The following TJP1 variants were observed in gnomAD, a reference collection of about 807,000 sequenced individuals.
The protein encoded by TJP1 is tight junction protein 1.
TJP1 carries 43 observed loss-of-function variants against 194.2 expected under a neutral mutation model. That is an observed-to-expected ratio of 0.22 (90% CI 0.17 to 0.29). The LOEUF (loss-of-function observed/expected upper bound fraction) is 0.29. Among genes scored for constraint, TJP1 ranks in the 10% least tolerant of loss-of-function variants. TJP1 has a pLI of 1.00. For synonymous variants in TJP1, 801 were observed against 779.0 expected (o/e 1.03, Z -0.47); for missense variants, 1,971 against 2,185.7 (o/e 0.90, Z 1.96).
At chr15:29,817,558 A>G (rs2151982499) in intron 1 of TJP1, among the ~76,000 whole-genome samples, 1 of 152,374 alleles carries the variant, frequency 6.6e-6, no homozygotes, top group East Asian at 1.9e-4. Flanking sequence ...CACTATTTAC[A>G]ATAGCAAAGA....
At position 29,953,325 on chromosome 15, in the gene TJP1, A is replaced by G. The variant is rs541879571; in HGVS notation, c.306+2907T>C. ...CCCAGCTAATTTTTGTCTTTTTAAT[A>G]GAGACGGGGTTGTGCCATGTTGGCC... On this transcript the variant is annotated intron_variant, in intron 2 of 28. Coordinates refer to the TJP1 transcript ENST00000356107. Among the ~76,000 whole-genome samples, 9 of 151,998 alleles carry G rather than the reference A, an allele frequency of 5.9e-5. No individual in the cohort carries two copies. In the South Asian group the frequency reaches 1.7e-3, roughly 28 times the overall value.
chr15:29,732,150 A>T (rs2043706463), intron 15 of TJP1: 1 of 357,550 alleles, frequency 2.8e-6, no homozygotes, highest in Admixed American at 4.4e-5. Flanking sequence ...TGGATATTAT[A>T]CTCCTTACCT....
chr15:29,822,539 G>C, upstream of TJP1: 1 of 974,470 alleles, frequency 1.0e-6, no homozygotes, highest in Non-Finnish European at 1.2e-6. Flanking sequence ...GGCGAGGCGA[G>C]GCGAGGCGGG....
intron 2 of TJP1, among the ~76,000 whole-genome samples, chr15:29,895,435 T>C (rs1053370991): frequency 1.3e-4 from 20 of 152,192 alleles, no homozygotes; most frequent in Non-Finnish European, 2.6e-4. Flanking sequence ...CAAACACAAC[T>C]TAGTTAAGTT....
chr15:29,816,106 C>T (rs2049899297), intron 1 of TJP1, among the ~76,000 whole-genome samples: 1 of 151,996 alleles, frequency 6.6e-6, no homozygotes, highest in South Asian at 2.1e-4. Context: ...GGCTCAACTG[C>T]AAACTCTGCT....
At chr15:29,741,472 A>G (rs1275760506) in intron 9 of TJP1, 36 bp from the exon 10 acceptor site, 1 of 1,394,808 alleles carries the variant, frequency 7.2e-7, no homozygotes, top group South Asian at 1.2e-5. Context: ...CTCACTTTAG[A>G]AAAACATGGA....
chr15:29,816,380 A>G (rs893372131), intron 1 of TJP1, among the ~76,000 whole-genome samples: 4 of 152,146 alleles, frequency 2.6e-5, no homozygotes, highest in Admixed American at 6.5e-5. Context: ...CTGGGGGGGA[A>G]GAACACCACA....
intron 2 of TJP1, among the ~76,000 whole-genome samples, chr15:29,833,882 T>TATATATA (rs67819417): frequency 2.5e-4 from 2 of 7,972 alleles, no homozygotes; most frequent in African/African-American, 8.3e-4. Flanking sequence ...TATATATATA[T>TATATATA]TTTTTTTTTT....
chr15:29,929,157 T>C (rs1417930299), intron 2 of TJP1, among the ~76,000 whole-genome samples: 3 of 151,540 alleles, frequency 2.0e-5, no homozygotes, highest in Non-Finnish European at 4.4e-5. Context: ...ATTTACATTA[T>C]TTAAACCCAA....
intron 2 of TJP1, among the ~76,000 whole-genome samples, chr15:29,828,536 T>G (rs997736007): frequency 2.0e-5 from 3 of 152,176 alleles, no homozygotes; most frequent in African/African-American, 7.2e-5. Context: ...AATTGCCGTC[T>G]AAGAAAACCA....
intron 4 of TJP1, among the ~76,000 whole-genome samples, chr15:29,768,454 T>C (rs2046453178): frequency 1.3e-5 from 2 of 152,204 alleles, no homozygotes; most frequent in African/African-American, 4.8e-5. Context: ...CTTCAGTTCC[T>C]CCCTAGTAAT....
intron 13 of TJP1, 83 bp downstream of exon 13, chr15:29,733,011 T>C: frequency 6.8e-7 from 1 of 1,464,696 alleles, no homozygotes; most frequent in East Asian, 2.3e-5. Flanking sequence ...ATTCTTTACA[T>C]TACCAAAATT....
chr15:29,773,543 A>G (rs2046825312), intron 2 of TJP1, among the ~76,000 whole-genome samples, 186 bp from the exon 3 acceptor site: 1 of 152,224 alleles, frequency 6.6e-6, no homozygotes, highest in East Asian at 1.9e-4. Flanking sequence ...TCTAATAACT[A>G]CTGGACATAA....
chr15:29,814,787 C>T (rs959601665), intron 1 of TJP1, among the ~76,000 whole-genome samples: 1 of 152,154 alleles, frequency 6.6e-6, no homozygotes, highest in African/African-American at 2.4e-5. Flanking sequence ...AGATCATTCA[C>T]CAGTTAACTC....
At chr15:29,926,296 C>A (rs533045760) in intron 2 of TJP1, among the ~76,000 whole-genome samples, 1 of 152,236 alleles carries the variant, frequency 6.6e-6, no homozygotes, top group East Asian at 1.9e-4. Context: ...ACCACATGAA[C>A]CTATCAAATA....
chr15:29,942,535 G>A (rs1351542877), intron 2 of TJP1, among the ~76,000 whole-genome samples: 1 of 152,240 alleles, frequency 6.6e-6, no homozygotes, highest in African/African-American at 2.4e-5. Flanking sequence ...TTGTCAATTG[G>A]CAAACTGCAT....
intron 1 of TJP1, among the ~76,000 whole-genome samples, chr15:29,811,372 G>A (rs72719081): frequency 1.6e-3 from 246 of 149,296 alleles, no homozygotes; most frequent in Non-Finnish European, 2.6e-3. Context: ...AAGGGGAAGA[G>A]GGGGGTATGA....
In TJP1 at chr15:29,727,002, A is replaced by G. The variant is rs2043281842; in HGVS notation, c.2101-11T>C. 3 of 1,609,050 alleles carry G rather than the reference A, an allele frequency of 1.9e-6. No homozygotes were observed. Among genetic ancestry groups the G allele is most frequent in the East Asian group, 2.2e-5 (1 of 44,844 alleles). ...TAAAGCATGTTTGTCCTAGAAACAG[A>G]AAGAAAAATATATACAAAGACACAA... On this transcript the variant is annotated splice_polypyrimidine_tract_variant and intron_variant, in intron 16 of 27. Transcript: ENST00000614355.
intron 2 of TJP1, among the ~76,000 whole-genome samples, chr15:29,921,366 C>G (rs2054352376): frequency 6.6e-6 from 1 of 152,224 alleles, no homozygotes; most frequent in South Asian, 2.1e-4. Context: ...CCTAAACCCT[C>G]CATTTCCCCG....
Sources: gnomAD v4.1 joint callset for allele counts (sites outside exome capture counted in the v4.1 genomes callset) on GRCh38, gnomAD v4.1.1 for gene constraint, MANE v1.5 for transcripts, NCBI Gene and HGNC (gene_info 2026-07-23, HGNC 2026-07-21) for gene names.